TENM4: variants seen among roughly 807,000 people sequenced by gnomAD.
The protein encoded by TENM4 is teneurin-4.
In TENM4, 82 loss-of-function variants were observed where a neutral mutation model predicts 243.3. The observed-to-expected ratio is 0.34, with a 90% CI of 0.28 to 0.40. The LOEUF is 0.40. TENM4 is among the 10% of genes least tolerant of loss of function. TENM4 has a pLI of 1.00. For synonymous variants in TENM4, 1,412 were observed against 1,456.3 expected, an observed-to-expected ratio of 0.97 and a Z score of 0.69; for missense variants, 3,138 against 3,673.3, an observed-to-expected ratio of 0.85 and a Z score of 3.77.
At chr11:79,398,336 G>A (rs1247911382) in intron 1 of TENM4, among the ~76,000 whole-genome samples, 1 of 152,108 alleles carries the variant, frequency 6.6e-6, no homozygotes, top group Non-Finnish European at 1.5e-5. Flanking sequence ...ACCTGGCTCA[G>A]TGGTCAGGTG....
At chr11:79,017,989 C>G (rs1011624441) in intron 6 of TENM4, among the ~76,000 whole-genome samples, 1 of 152,170 alleles carries the variant, frequency 6.6e-6, no homozygotes, top group African/African-American at 2.4e-5. Context: ...GGTCCTCCCA[C>G]TTGGGGATGT....
intron 1 of TENM4, among the ~76,000 whole-genome samples, chr11:79,316,350 A>G (rs1392308914): frequency 6.6e-6 from 1 of 152,204 alleles, no homozygotes; most frequent in Non-Finnish European, 1.5e-5. Context: ...ATCTTTTACC[A>G]GTTACTACAA....
intron 6 of TENM4, among the ~76,000 whole-genome samples, chr11:78,972,859 G>A (rs1165956325): frequency 6.6e-6 from 1 of 152,132 alleles, no homozygotes; most frequent in Non-Finnish European, 1.5e-5. Context: ...TGCAGCCTAG[G>A]CAATCACTCA....
chr11:79,432,656 G>A (rs995500044), intron 1 of TENM4, among the ~76,000 whole-genome samples: 3 of 152,148 alleles, frequency 2.0e-5, no homozygotes, highest in African/African-American at 7.2e-5. Flanking sequence ...TGAACAAATT[G>A]CTTTTAAGCT....
At chr11:78,753,423 G>A (rs1425891037) in intron 19 of TENM4, among the ~76,000 whole-genome samples, 1 of 152,210 alleles carries the variant, frequency 6.6e-6, no homozygotes, top group South Asian at 2.1e-4. Context: ...TCATATGAGA[G>A]GACAGAAAGC....
chr11:78,746,393 A>G (rs1398035784), intron 19 of TENM4, among the ~76,000 whole-genome samples: 1 of 152,268 alleles, frequency 6.6e-6, no homozygotes, highest in African/African-American at 2.4e-5. Flanking sequence ...CTCCTAGCTA[A>G]GCATGGCTGT....
rs536202066 is a variant in TENM4, at chr11:79,105,129, C to A, written c.-65-35120G>T. ...GCACAGGTGTGAGCCACCAACGAAC[C>A]CCAATTTCAGTTCGAAAGGGTGAAA... On this transcript the variant is annotated intron_variant, in intron 4 of 33. Coordinates refer to ENST00000278550, the MANE Select transcript of TENM4 (RefSeq NM_001098816.3). Among the ~76,000 whole-genome samples the A allele has an allele frequency of 3.9e-5, 6 of 152,258 alleles. No homozygotes were observed. The East Asian group carries it at 9.6e-4, about 24-fold the overall frequency.
chr11:79,252,121 G>A (rs1855621655), intron 2 of TENM4, among the ~76,000 whole-genome samples: 1 of 152,256 alleles, frequency 6.6e-6, no homozygotes, highest in Non-Finnish European at 1.5e-5. Context: ...TTTGCTTTCT[G>A]AAGGTGGCCA....
chr11:79,058,556 A>C (rs907475569), intron 6 of TENM4, among the ~76,000 whole-genome samples: 33 of 151,784 alleles, frequency 2.2e-4, no homozygotes, highest in Non-Finnish European at 4.7e-4. Flanking sequence ...AAAAAAAAAA[A>C]CAAAAAAAAG....
intron 6 of TENM4, among the ~76,000 whole-genome samples, chr11:78,946,459 G>A (rs571073658): frequency 6.6e-6 from 1 of 152,352 alleles, no homozygotes; most frequent in East Asian, 1.9e-4. Flanking sequence ...TCACCCAAGA[G>A]CTCTGATGGA....
chr11:78,864,118 T>C (rs1858897122), intron 9 of TENM4, among the ~76,000 whole-genome samples: 2 of 152,152 alleles, frequency 1.3e-5, no homozygotes, highest in African/African-American at 2.4e-5. Flanking sequence ...ATATTTCTGG[T>C]AGAATATGAA....
At chr11:78,974,812 A>G (rs1458011089) in intron 6 of TENM4, among the ~76,000 whole-genome samples, 2 of 149,818 alleles carry the variant, frequency 1.3e-5, no homozygotes, top group Non-Finnish European at 3.0e-5. Context: ...TCAGCCACCC[A>G]AGTAGCTGGG....
At chr11:79,076,929 C>T (rs1195737923) in intron 4 of TENM4, among the ~76,000 whole-genome samples, 1 of 152,130 alleles carries the variant, frequency 6.6e-6, no homozygotes, top group Non-Finnish European at 1.5e-5. Context: ...AATGAGATAA[C>T]AAGCCCAGAG....
intron 1 of TENM4, among the ~76,000 whole-genome samples, chr11:79,331,262 AT>A: frequency 6.6e-6 from 1 of 151,444 alleles, no homozygotes; most frequent in African/African-American, 2.4e-5. Flanking sequence ...CACAGCCAGC[AT>A]TTTTTCCCAG....
At chr11:78,947,122 C>T (rs1591153553) in intron 6 of TENM4, among the ~76,000 whole-genome samples, 2 of 152,296 alleles carry the variant, frequency 1.3e-5, no homozygotes, top group African/African-American at 4.8e-5. Context: ...AGAAATCTTT[C>T]AGGAAAGGAA....
intron 6 of TENM4, among the ~76,000 whole-genome samples, chr11:78,945,734 G>A (rs1306803379): frequency 1.3e-5 from 2 of 152,178 alleles, no homozygotes. Context: ...ACACACAAAT[G>A]ATAAGAAGGC....
chr11:79,382,622 A>AC (rs1858027600), intron 1 of TENM4, among the ~76,000 whole-genome samples: 1 of 152,034 alleles, frequency 6.6e-6, no homozygotes, highest in African/African-American at 2.4e-5. Context: ...CATCTTGTAA[A>AC]CATGGAGACC....
intron 3 of TENM4, among the ~76,000 whole-genome samples, chr11:79,191,981 C>T (rs576459570): frequency 2.0e-3 from 307 of 151,858 alleles, no homozygotes; most frequent in Middle Eastern, 0.014. Context: ...GCCGCCCCGT[C>T]GGGGAGGTGA....
intron 2 of TENM4, among the ~76,000 whole-genome samples, chr11:79,284,944 A>T (rs973546489): frequency 2.6e-5 from 4 of 152,186 alleles, no homozygotes; most frequent in African/African-American, 9.7e-5. Context: ...ACATGTAAAG[A>T]TGGTGAATAT....
Sources: allele counts gnomAD v4.1 joint callset (sites outside exome capture counted in the v4.1 genomes callset), GRCh38; gene constraint gnomAD v4.1.1; transcripts MANE v1.5; gene names NCBI Gene and HGNC (gene_info 2026-07-23, HGNC 2026-07-21).